Variants in HGFAC observed in about 807,000 individuals in gnomAD.
HGFAC encodes the protein hepatocyte growth factor activator serine protease.
A neutral mutation model predicts 70.6 loss-of-function variants in HGFAC; 76 were observed. The ratio of observed to expected loss-of-function variants is 1.08; its 90% CI spans 0.89 to 1.30. The LOEUF is 1.30. Among genes scored for constraint, HGFAC ranks in the 50% most tolerant of loss-of-function variants. The pLI is 0.00. For missense variants in HGFAC, 1,044 were observed against 933.7 expected, an observed-to-expected ratio of 1.12 and a Z score of -1.54; for synonymous variants, 464 against 405.3, an observed-to-expected ratio of 1.14 and a Z score of -1.74.
intron 13 of HGFAC, 101 bp downstream of exon 13, chr4:3,448,377 C>T (rs1725605839): frequency 7.1e-7 from 1 of 1,414,558 alleles, no homozygotes; most frequent in South Asian, 1.3e-5. Context: ...CCTGGCGGCA[C>T]CCCAACCTGG....
At chr4:3,445,696 C>G in intron 9 of HGFAC, 1 of 635,350 alleles carries the variant, frequency 1.6e-6, no homozygotes, top group South Asian at 1.9e-5. Flanking sequence ...TGGGGAGAGG[C>G]CCCCCGGCTC....
chr4:3,447,615 C>G lies in HGFAC; in HGVS notation c.1479C>G (p.Pro493=). 6.2e-7 allele frequency: 1 copy of G among 1,612,638 alleles called. No individual in the cohort carries two copies. Among genetic ancestry groups the G allele is most frequent in the South Asian group, 1.1e-5 (1 of 91,044 alleles). ...ACACCCTGTACTCGGTGTTCAACCCCAGCGACCACGACCTCGGTGAGCTCC... is the reference window on the plus strand; with the variant it reads ...ACACCCTGTACTCGGTGTTCAACCCGAGCGACCACGACCTCGGTGAGCTCC... ...IPYTLYSVFN[P]SDHDLVLIRL... Residue 493 remains proline (P), a synonymous_variant, in exon 11 of 14, where the codon CCC becomes CCG. Transcript: ENST00000382774.
intron 13 of HGFAC, among the ~76,000 whole-genome samples, chr4:3,449,021 G>A (rs778633391): frequency 1.3e-5 from 2 of 152,136 alleles, no homozygotes; most frequent in African/African-American, 2.4e-5. Flanking sequence ...GAGGGGGACC[G>A]TGGCTTCAGG....
In HGFAC at chr4:3,447,728, T is replaced by C. The variant is rs886280763; in HGVS notation, c.1495+97T>C. 1.8e-5 allele frequency: 28 copies of C among 1,564,018 alleles called. 1 individual carries two copies. The Middle Eastern group carries it at 1.0e-3, about 57-fold the overall frequency. ...GGGCAGGAGCTGGGCAGACATGTGG[T>C]GCGGGGGAAGCTGGGGGCAGGGCAG... On this transcript the variant is annotated intron_variant, in intron 11 of 13. Transcript: ENST00000382774.
At chr4:3,443,556 C>T (rs929238851) in intron 4 of HGFAC, 136 bp downstream of exon 4, 3 of 526,624 alleles carry the variant, frequency 5.7e-6, no homozygotes, top group African/African-American at 2.0e-5. Context: ...GGATTAACCC[C>T]GGTGGGTGCC....
In HGFAC at chr4:3,443,057, C is replaced by G. The variant is rs545155824; in HGVS notation, c.306C>G (p.Thr102=). The part of the protein sequence containing the change: ...SSSSPQAQAL[T]EDGRPCRFPF... ...GCCACCCCCTCCCCACAGCACTCAC[C>G]GAGGACGGGAGGCCCTGCAGGTTCC... Residue 102 remains threonine (T), a synonymous_variant, in exon 3 of 14, where the codon ACC becomes ACG. Transcript: ENST00000382774. The G allele has an allele frequency of 1.3e-6, 2 of 1,598,502 alleles. No homozygotes were observed. The highest frequency in any genetic ancestry group is 1.7e-6 in the Non-Finnish European group (2 of 1,178,098).
At chr4:3,447,279 T>C (rs933551386) in intron 10 of HGFAC, among the ~76,000 whole-genome samples, 1 of 152,178 alleles carries the variant, frequency 6.6e-6, no homozygotes, top group Non-Finnish European at 1.5e-5. Flanking sequence ...TCAGCTCCCA[T>C]GCCTGGATCT....
intron 10 of HGFAC, 22 bp downstream of exon 10, chr4:3,446,316 G>C: frequency 3.1e-6 from 5 of 1,595,666 alleles, no homozygotes; most frequent in Non-Finnish European, 4.3e-6. Flanking sequence ...CTGGGCCCCA[G>C]TCACCTGCCC....
In HGFAC at chr4:3,444,856, G is replaced by C. The variant is rs776940607; in HGVS notation, c.879G>C (p.Gly293=). ...GCTGCTTCTTGGGGAACGGCACTGG[G>C]TACCGTGGCGTGGCCAGCACCTCAG... ...DERCFLGNGT[G]YRGVASTSAS... is the part of the protein sequence containing the mutation. Residue 293 remains glycine, a synonymous_variant, in exon 8 of 14, where the codon GGG becomes GGC. Transcript: ENST00000382774. 2.5e-6 allele frequency: 4 copies of C among 1,605,380 alleles called. No individual in the cohort carries two copies. The highest frequency in any genetic ancestry group is 3.4e-6 in the Non-Finnish European group (4 of 1,176,692).
At chr4:3,444,463 C>A in intron 6 of HGFAC, 21 bp downstream of exon 6, 2 of 1,571,206 alleles carry the variant, frequency 1.3e-6, no homozygotes, top group East Asian at 4.5e-5. Context: ...GGGTGTGAGC[C>A]GTGCCACTGA....
At position 3,444,303 on chromosome 4, in the gene HGFAC, C is replaced by T. The variant is rs1205602115; in HGVS notation, c.599-8C>T. 3.2e-6 allele frequency: 5 copies of T among 1,584,018 alleles called. No individual in the cohort carries two copies. In the Admixed American group the frequency reaches 5.4e-5, roughly 17 times the overall value. The stretch of plus-strand genomic sequence containing the variant: ...GCAGGGTGTGAGGGCTTACTGTGCA[C>T]CCCTCAGAGAAATGCTTTGATGAGA... On this transcript the variant is annotated splice_polypyrimidine_tract_variant and splice_region_variant and intron_variant, in intron 5 of 13. Coordinates refer to ENST00000382774, the MANE Select transcript of HGFAC (RefSeq NM_001528.4).
chr4:3,441,543 C>T (rs1041109068), upstream of HGFAC, among the ~76,000 whole-genome samples: 2 of 152,184 alleles, frequency 1.3e-5, no homozygotes, highest in Non-Finnish European at 2.9e-5. The surrounding 1 kb of genome is among the most constrained non-coding windows in gnomAD (Gnocchi z 6.0). Flanking sequence ...ATCCCATCCC[C>T]ACTGCTACTG....
chr4:3,447,587 C>T lies in HGFAC; in HGVS notation c.1451C>T (p.Pro484Leu), dbSNP rs139244166. The T allele has an allele frequency of 7.8e-5, 125 of 1,612,572 alleles. 2 individuals carry two copies. Among genetic ancestry groups the T allele is most frequent in the Non-Finnish European group, 9.8e-5 (116 of 1,179,906 alleles). Residue 484 changes from proline (P) to leucine (L), a missense_variant, in exon 11 of 14, where the codon CCG (proline) becomes CTG (leucine). Pro to Leu is a moderately conservative substitution (Grantham distance 98). Transcript: ENST00000382774. ...ACCTTCGGCATCGAGAAGTACATCC[C>T]GTACACCCTGTACTCGGTGTTCAAC... Reference protein sequence around the residue: ...TQTFGIEKYIPYTLYSVFNPS... With the variant: ...TQTFGIEKYILYTLYSVFNPS...
intron 4 of HGFAC, 22 bp from the exon 5 acceptor site, chr4:3,444,017 A>AC: frequency 1.3e-6 from 2 of 1,558,974 alleles, no homozygotes; most frequent in Non-Finnish European, 8.6e-7. Flanking sequence ...CGCCCCTCAC[A>AC]CCCCCTCCCG....
rs149409175 is a variant in HGFAC, at chr4:3,449,346, C to G, written c.1895C>G (p.Thr632Ser). Residue 632 changes from threonine (T) to serine (S), a missense_variant, in exon 14 of 14, where the codon ACC becomes AGC. By Grantham distance (58) the Thr-to-Ser change is moderately conservative (BLOSUM62 1). Coordinates refer to ENST00000382774, the MANE Select transcript of HGFAC (RefSeq NM_001528.4). ...CGRLHKPGVY[T>S]RVANYVDWIN... The stretch of plus-strand genomic sequence containing the variant: ...CGGCTCCACAAGCCGGGGGTCTACA[C>G]CCGCGTGGCCAACTATGTGGACTGG... 2.0e-4 allele frequency: 325 copies of G among 1,611,154 alleles called. 1 individual carries two copies. Among genetic ancestry groups the G allele is most frequent in the Middle Eastern group, 1.6e-4 (1 of 6,068 alleles).
chr4:3,445,945 G>A, intron 9 of HGFAC, 97 bp from the exon 10 acceptor site: 1 of 1,561,548 alleles, frequency 6.4e-7, no homozygotes, highest in Non-Finnish European at 8.7e-7. Context: ...GTCCGGCCAT[G>A]GCCCTCTGCA....
Position 3,444,081 on chromosome 4 carries a change from G to C in HGFAC, c.518G>C (p.Gly173Ala). ...PCASGPCLNG[G>A]SCSNTQDPQS... is the part of the protein sequence containing the mutation. ...GCCTCCGGCCCCTGCCTCAATGGAG[G>C]CTCCTGCTCCAATACCCAGGACCCC... Residue 173 changes from glycine (G) to alanine (A), a missense_variant, in exon 5 of 14, where the codon GGC becomes GCC. Transcript: ENST00000382774. The C allele has an allele frequency of 6.2e-7, 1 of 1,610,988 alleles. No homozygotes were observed. The highest frequency in any genetic ancestry group is 2.2e-5 in the East Asian group (1 of 44,804).
In HGFAC at chr4:3,447,631, G is replaced by T. The variant is rs201966820; in HGVS notation, c.1495G>T (p.Val499Phe). 2 of 1,612,528 alleles carry T rather than the reference G, an allele frequency of 1.2e-6. No individual in the cohort carries two copies. The highest frequency in any genetic ancestry group is 1.7e-6 in the Non-Finnish European group (2 of 1,179,802). The part of the protein sequence containing the change: ...SVFNPSDHDL[V>F]LIRLKKKGDR... ...GTTCAACCCCAGCGACCACGACCTC[G>T]GTGAGCTCCGGCGTGTCGTGGCTGC... is the stretch of plus-strand genomic sequence containing the variant. The change falls in exon 11 of 14, where the codon GTC (valine) becomes TTC (phenylalanine). Residue 499 changes from valine to phenylalanine, a missense_variant and splice_region_variant. Coordinates refer to ENST00000382774, the MANE Select transcript of HGFAC (RefSeq NM_001528.4).
In HGFAC at chr4:3,444,670, G is replaced by A. The variant is rs772590999; in HGVS notation, c.778G>A (p.Val260Met). 6 of 1,598,056 alleles carry A rather than the reference G, an allele frequency of 3.8e-6. No homozygotes were observed. In the African/African-American group the frequency reaches 4.0e-5, roughly 11 times the overall value. The change falls in exon 7 of 14, where the codon GTG (valine) becomes ATG (methionine). Residue 260 changes from valine (V) to methionine (M), a missense_variant. Coordinates refer to ENST00000382774, the MANE Select transcript of HGFAC (RefSeq NM_001528.4). Reference sequence around the variant, plus strand: ...GAACGGGGGCACCTGCCACCTGATCGTGGCCACCGGGACCACCGTGTGTGC... The same window carrying A: ...GAACGGGGGCACCTGCCACCTGATCATGGCCACCGGGACCACCGTGTGTGC... ...CLNGGTCHLI[V>M]ATGTTVCACP... is the part of the protein sequence containing the mutation.
Sources: gnomAD v4.1 joint callset for allele counts (sites outside exome capture counted in the v4.1 genomes callset) on GRCh38, gnomAD v4.1.1 for gene constraint, Gnocchi (gnomAD v3.1) non-coding constraint, MANE v1.5 for transcripts, NCBI Gene and HGNC (gene_info 2026-07-23, HGNC 2026-07-21) for gene names.